The following VPS35L variants were observed in gnomAD, a reference collection of about 807,000 sequenced individuals.
The protein encoded by VPS35L is VPS35 endosomal protein-sorting factor-like.
VPS35L carries 83 observed loss-of-function variants against 133.0 expected under a neutral mutation model. The ratio of observed to expected loss-of-function variants is 0.62; its 90% CI spans 0.52 to 0.75. The LOEUF is 0.75. VPS35L is among the 30% of genes least tolerant of loss of function. The pLI, the probability that VPS35L is intolerant of heterozygous loss-of-function variation, is 0.00. For synonymous variants in VPS35L, 423 were observed against 449.9 expected, an observed-to-expected ratio of 0.94 and a Z score of 0.76; for missense variants, 1,083 against 1,206.8, an observed-to-expected ratio of 0.90 and a Z score of 1.52.
chr16:19,621,808 A>G (rs992492113), intron 14 of VPS35L, among the ~76,000 whole-genome samples: 2 of 152,188 alleles, frequency 1.3e-5, no homozygotes. Flanking sequence ...TTAAAGTTAT[A>G]TTCTTGGATG....
At chr16:19,684,126 T>C (rs990981446) in intron 28 of VPS35L, among the ~76,000 whole-genome samples, 1 of 152,160 alleles carries the variant, frequency 6.6e-6, no homozygotes, top group African/African-American at 2.4e-5. Flanking sequence ...CTGGGTGCTC[T>C]GGAGGAAGGA....
chr16:19,616,587 C>T, intron 13 of VPS35L, 99 bp from the exon 14 acceptor site: 1 of 1,440,986 alleles, frequency 6.9e-7, no homozygotes, highest in African/African-American at 1.4e-5. Flanking sequence ...CAGGGCTGTC[C>T]ACATGCTTAC....
At chr16:19,691,544 G>C in intron 29 of VPS35L, 73 bp downstream of exon 29, 1 of 1,203,850 alleles carries the variant, frequency 8.3e-7, no homozygotes, top group Non-Finnish European at 1.2e-6. Flanking sequence ...TTCAACCTTG[G>C]TTCATTCTAG....
intron 27 of VPS35L, among the ~76,000 whole-genome samples, chr16:19,676,623 C>T (rs1358659438): frequency 2.0e-5 from 3 of 152,092 alleles, no homozygotes; most frequent in African/African-American, 7.2e-5. Context: ...TTTTGTAGCA[C>T]TAACGATCTC....
At chr16:19,562,060 G>A (rs907257015) in intron 1 of VPS35L, among the ~76,000 whole-genome samples, 1 of 152,096 alleles carries the variant, frequency 6.6e-6, no homozygotes, top group Non-Finnish European at 1.5e-5. Context: ...AGCTGAGATC[G>A]CACCACTGCA....
intron 26 of VPS35L, among the ~76,000 whole-genome samples, chr16:19,664,777 G>A (rs941319340): frequency 6.6e-6 from 1 of 151,944 alleles, no homozygotes; most frequent in African/African-American, 2.4e-5. Context: ...GCATGTGCCT[G>A]TAGTCTTAGC....
chr16:19,603,350 A>T (rs1972445588), intron 9 of VPS35L, among the ~76,000 whole-genome samples: 1 of 152,158 alleles, frequency 6.6e-6, no homozygotes, highest in East Asian at 1.9e-4. Context: ...TGGCCAGTCC[A>T]AATTGAGATG....
At chr16:19,607,356 AAAG>A (rs1972567905) in intron 9 of VPS35L, among the ~76,000 whole-genome samples, 1 of 152,192 alleles carries the variant, frequency 6.6e-6, no homozygotes, top group African/African-American at 2.4e-5. Flanking sequence ...CAGTGAGCAG[AAAG>A]AAGAAGTGAG....
At chr16:19,616,248 C>A in intron 13 of VPS35L, 57 bp downstream of exon 13, 1 of 1,474,766 alleles carries the variant, frequency 6.8e-7, no homozygotes, top group South Asian at 1.2e-5. Flanking sequence ...ATAGCAAATT[C>A]ACAAAACCCA....
intron 2 of VPS35L, among the ~76,000 whole-genome samples, chr16:19,565,645 G>T (rs1294758386): frequency 6.6e-6 from 1 of 152,090 alleles, no homozygotes; most frequent in Non-Finnish European, 1.5e-5. Context: ...GAGCCACCTC[G>T]CCCGGCCTGC....
At position 19,644,952 on chromosome 16, in the gene VPS35L, AAGT is replaced by A. The variant is rs1349950999; in HGVS notation, c.1929+5_1929+7del. On this transcript the variant is annotated splice_donor_5th_base_variant and intron_variant, in intron 23 of 30. Transcript: ENST00000417362. Reference sequence around the variant, plus strand: ...TGATTAATGGATTTATAAAAATGGTAAGTATTAGGGAAGAAGTTTCAGTGCACT... The same window carrying A: ...TGATTAATGGATTTATAAAAATGGTAATTAGGGAAGAAGTTTCAGTGCACT... 6.3e-7 allele frequency: 1 copy of A among 1,584,934 alleles called. No individual in the cohort carries two copies. The highest frequency in any genetic ancestry group is 1.3e-5 in the African/African-American group (1 of 74,248).
chr16:19,565,968 T>A (rs1404118225), intron 2 of VPS35L, among the ~76,000 whole-genome samples: 1 of 152,204 alleles, frequency 6.6e-6, no homozygotes, highest in Non-Finnish European at 1.5e-5. Flanking sequence ...GTTGGTACTG[T>A]CTTATTAGCA....
chr16:19,691,569 C>G, intron 29 of VPS35L, 98 bp downstream of exon 29: 1 of 895,158 alleles, frequency 1.1e-6, no homozygotes, highest in Non-Finnish European at 1.8e-6. Context: ...GAAACTATGT[C>G]ATGTGAGTAA....
intron 22 of VPS35L, among the ~76,000 whole-genome samples, chr16:19,642,900 A>C (rs928139496): frequency 6.6e-6 from 1 of 152,218 alleles, no homozygotes; most frequent in Non-Finnish European, 1.5e-5. Context: ...ATTACCTTTC[A>C]GTCAAAGGCT....
chr16:19,665,896 CATT>C (rs1255568326), intron 26 of VPS35L, among the ~76,000 whole-genome samples: 1 of 152,038 alleles, frequency 6.6e-6, no homozygotes, highest in African/African-American at 2.4e-5. Flanking sequence ...GATGATATCT[CATT>C]ATAGTTTTCA....
intron 2 of VPS35L, among the ~76,000 whole-genome samples, chr16:19,567,970 CAA>C (rs35555593): frequency 7.3e-4 from 83 of 113,056 alleles, no homozygotes; most frequent in Non-Finnish European, 7.2e-4. Flanking sequence ...ACCCTGTCTC[CAA>C]AAAAAAAAAA....
rs147404019 is a variant in VPS35L, at chr16:19,613,036, C to A, written c.1023+2621C>A. 5.4e-3 allele frequency among the ~76,000 whole-genome samples: 825 copies of A among 152,328 alleles called. 11 individuals are homozygous for A. Among genetic ancestry groups the A allele is most frequent in the African/African-American group, 0.019 (782 of 41,572 alleles). ...GTAAGAGAGACCAAGCGCGGTGGCT[C>A]ATGCCTGTAATCCCAGCATTTTGGG... On this transcript the variant is annotated intron_variant, in intron 12 of 30. Transcript: ENST00000417362.
intron 12 of VPS35L, among the ~76,000 whole-genome samples, chr16:19,614,565 CA>C (rs1283344286): frequency 6.6e-6 from 1 of 152,212 alleles, no homozygotes; most frequent in Admixed American, 6.5e-5. Flanking sequence ...CGTGCGCCAC[CA>C]CACCCGGCTA....
intron 27 of VPS35L, among the ~76,000 whole-genome samples, chr16:19,671,700 C>T (rs1262370401): frequency 6.6e-6 from 1 of 152,010 alleles, no homozygotes; most frequent in Non-Finnish European, 1.5e-5. Context: ...TCGCTTGAAC[C>T]TGGGAGGTAG....
Sources: gnomAD v4.1 joint callset for allele counts (sites outside exome capture counted in the v4.1 genomes callset) on GRCh38, gnomAD v4.1.1 for gene constraint, MANE v1.5 for transcripts, NCBI Gene and HGNC (gene_info 2026-07-23, HGNC 2026-07-21) for gene names.